APPBP2: variants seen among roughly 807,000 people sequenced by gnomAD.
APPBP2 encodes amyloid protein-binding protein 2.
Under a neutral mutation model 76.0 loss-of-function variants are expected in APPBP2, and 15 were observed. The ratio of observed to expected loss-of-function variants is 0.20; its 90% CI spans 0.13 to 0.30. The LOEUF (loss-of-function observed/expected upper bound fraction) is 0.30, where lower values mean the gene tolerates loss of function less well. Among genes scored for constraint, APPBP2 ranks in the 10% least tolerant of loss-of-function variants. APPBP2 has a pLI of 1.00. For synonymous variants in APPBP2, 222 were observed against 242.2 expected (o/e 0.92, Z 0.77); for missense variants, 401 against 687.2 (o/e 0.58, Z 4.66).
At position 60,460,655 on chromosome 17, in the gene APPBP2, G is replaced by A; in HGVS notation, c.1061+8C>T. 1 of 1,605,050 alleles carries A rather than the reference G, an allele frequency of 6.2e-7. No homozygotes were observed. The highest frequency in any genetic ancestry group is 8.5e-7 in the Non-Finnish European group (1 of 1,176,018). ...TCCTCCTTCAGAGAAAAGGAATGTGGAACTTACAGTGCATTGTCAAATTTC... is the reference window on the plus strand; with the variant it reads ...TCCTCCTTCAGAGAAAAGGAATGTGAAACTTACAGTGCATTGTCAAATTTC... On this transcript the variant is annotated splice_region_variant and intron_variant, in intron 9 of 12. Transcript: ENST00000083182.
chr17:60,474,987 T>TG (rs1307680258), intron 4 of APPBP2, among the ~76,000 whole-genome samples: 17 of 152,180 alleles, frequency 1.1e-4, no homozygotes, highest in Admixed American at 6.5e-4. Context: ...CCCAGCACTT[T>TG]GGGGGGCCAG....
chr17:60,519,369 G>C (rs1002545824), intron 1 of APPBP2, among the ~76,000 whole-genome samples: 11 of 152,138 alleles, frequency 7.2e-5, no homozygotes, highest in Non-Finnish European at 1.6e-4. Context: ...CACATTACGG[G>C]GCTGAGGTGG....
At position 60,466,428 on chromosome 17, in the gene APPBP2, A is replaced by G. The variant is rs1406846289; in HGVS notation, c.535T>C (p.Tyr179His). 4.3e-6 allele frequency: 7 copies of G among 1,613,184 alleles called. 1 individual carries two copies. In the Admixed American group the frequency reaches 5.0e-5, roughly 12 times the overall value. ...TTAAATGTTTCTTCACCCAAATGAT[A>G]TTTGCAGTTTCCATTTCGCACATGA... ...LLHVRNGNCK[Y>H]HLGEETFKLA... Residue 179 changes from tyrosine (Y) to histidine (H), a missense_variant, in exon 5 of 13, where the codon TAT (tyrosine) becomes CAT (histidine). By Grantham distance (83) the Tyr-to-His change is moderately conservative. Around this residue, in one of 5 missense-constraint regions of APPBP2, gnomAD observed 64 missense variants for 72.9 expected, o/e 0.88. Transcript: ENST00000083182.
intron 3 of APPBP2, among the ~76,000 whole-genome samples, chr17:60,486,279 C>T (rs6503974): frequency 0.082 from 12,509 of 152,144 alleles, 1,700 homozygotes; most frequent in African/African-American, 0.28. Context: ...ATTGATCTGT[C>T]TAATATTGAC....
intron 1 of APPBP2, chr17:60,513,518 G>A (rs767299969): frequency 2.7e-5 from 14 of 524,690 alleles, no homozygotes; most frequent in East Asian, 3.6e-5. Flanking sequence ...AGCTTCTCAC[G>A]GAGAAATATG....
At chr17:60,451,386 G>C (rs1010323592) in intron 12 of APPBP2, among the ~76,000 whole-genome samples, 33 of 152,146 alleles carry the variant, frequency 2.2e-4, no homozygotes, top group African/African-American at 8.0e-4. Context: ...AAATGTTCCA[G>C]ATGATTTTTG....
chr17:60,466,462 A>G lies in APPBP2; in HGVS notation c.504-3T>C. ...TTCCATTTCGCACATGAAGCAACCTATAAAACACCAATAACATTGCTCTAT... is the reference window on the plus strand; with the variant it reads ...TTCCATTTCGCACATGAAGCAACCTGTAAAACACCAATAACATTGCTCTAT... On this transcript the variant is annotated splice_polypyrimidine_tract_variant and splice_region_variant and intron_variant, in intron 4 of 12. Transcript: ENST00000083182. 1.2e-6 allele frequency: 2 copies of G among 1,610,408 alleles called. No individual in the cohort carries two copies.
intron 1 of APPBP2, among the ~76,000 whole-genome samples, chr17:60,520,853 C>G (rs2091004829): frequency 6.6e-6 from 1 of 152,180 alleles, no homozygotes; most frequent in South Asian, 2.1e-4. Context: ...TGAGCTACCA[C>G]ACCTGGCCAT....
At chr17:60,468,754 C>T (rs971849552) in intron 4 of APPBP2, among the ~76,000 whole-genome samples, 1 of 152,086 alleles carries the variant, frequency 6.6e-6, no homozygotes, top group African/African-American at 2.4e-5. Flanking sequence ...CAACCTTCTG[C>T]CTAAGGAAAA....
chr17:60,456,172 T>C lies in APPBP2; in HGVS notation c.1147+124A>G, dbSNP rs16944390. 17,306 of 677,494 alleles carry C rather than the reference T, an allele frequency of 0.026. 2,176 individuals carry two copies. The African/African-American group carries it at 0.27, about 11-fold the overall frequency. 42.0% of individuals were successfully genotyped at this position (677,494 alleles called of 1,614,324 possible). ...TTGTGGTAAAATGGCTATCTAGTAA[T>C]ACATAGACACCGTCAAATCCTGTGA... On this transcript the variant is annotated intron_variant, in intron 10 of 12. Transcript: ENST00000083182.
chr17:60,503,001 T>C (rs1392970766), intron 1 of APPBP2, among the ~76,000 whole-genome samples: 2 of 145,330 alleles, frequency 1.4e-5, no homozygotes, highest in Non-Finnish European at 2.9e-5. Flanking sequence ...GATATTTGGC[T>C]GTTTAAATTT....
intron 11 of APPBP2, 133 bp from the exon 12 acceptor site, chr17:60,452,178 C>A: frequency 1.1e-6 from 1 of 909,032 alleles, no homozygotes; most frequent in Non-Finnish European, 1.6e-6. Flanking sequence ...AAAGAACATA[C>A]TATGTTATTC....
intron 11 of APPBP2, 93 bp downstream of exon 11, chr17:60,454,209 G>A: frequency 1.1e-6 from 1 of 921,764 alleles, no homozygotes; most frequent in Admixed American, 3.1e-5. Flanking sequence ...TGTGCAATAA[G>A]TGTATAATTT....
intron 3 of APPBP2, among the ~76,000 whole-genome samples, chr17:60,483,182 T>C (rs1164388940): frequency 6.6e-6 from 1 of 152,238 alleles, no homozygotes. Context: ...TGACCAGTGA[T>C]GATGAGTATT....
chr17:60,457,504 G>A (rs1210019788), intron 9 of APPBP2, among the ~76,000 whole-genome samples: 6 of 151,914 alleles, frequency 3.9e-5, no homozygotes, highest in African/African-American at 9.7e-5. Context: ...ATGGCTCACC[G>A]CAGCCTCAAA....
At chr17:60,453,492 T>C (rs1187977397) in intron 11 of APPBP2, among the ~76,000 whole-genome samples, 4 of 151,472 alleles carry the variant, frequency 2.6e-5, no homozygotes, top group African/African-American at 9.7e-5. Context: ...GCCTCATATA[T>C]TAATCTTTTT....
intron 2 of APPBP2, among the ~76,000 whole-genome samples, chr17:60,495,692 G>A (rs775525742): frequency 5.9e-5 from 9 of 151,866 alleles, no homozygotes; most frequent in Non-Finnish European, 8.8e-5. Flanking sequence ...TCATACATTG[G>A]CGGTGGGATT....
At chr17:60,447,888 A>C in intron 12 of APPBP2, 54 bp from the exon 13 acceptor site, 2 of 1,483,832 alleles carry the variant, frequency 1.3e-6, no homozygotes, top group South Asian at 2.7e-5. Flanking sequence ...TGAGATAACA[A>C]GCAATTTCTA....
At chr17:60,448,822 T>G (rs1035648958) in intron 12 of APPBP2, among the ~76,000 whole-genome samples, 2 of 152,236 alleles carry the variant, frequency 1.3e-5, no homozygotes, top group African/African-American at 4.8e-5. Flanking sequence ...TGAGACTGGT[T>G]ATCCATAGTG....
Sources: gnomAD v4.1 joint callset for allele counts (sites outside exome capture counted in the v4.1 genomes callset) on GRCh38, gnomAD v4.1.1 for gene constraint, gnomAD v4.1.1 regional missense constraint, MANE v1.5 for transcripts, NCBI Gene and HGNC (gene_info 2026-07-23, HGNC 2026-07-21) for gene names.